STK32B: variants seen among roughly 807,000 people sequenced by gnomAD.
The protein encoded by STK32B is serine/threonine-protein kinase 32B.
In STK32B, 43 loss-of-function variants were observed where a neutral mutation model predicts 52.6. That is an observed-to-expected ratio of 0.82 (90% CI 0.64 to 1.05). The LOEUF is 1.05. Among genes scored for constraint, STK32B ranks in the 50% least tolerant of loss-of-function variants. The pLI, the probability that STK32B is intolerant of heterozygous loss-of-function variation, is 0.00. For synonymous variants in STK32B, 238 were observed against 204.3 expected (o/e 1.17, Z -1.41); for missense variants, 621 against 534.6 (o/e 1.16, Z -1.59).
intron 3 of STK32B, among the ~76,000 whole-genome samples, chr4:5,227,299 T>C (rs906417068): frequency 1.3e-5 from 2 of 152,234 alleles, no homozygotes; most frequent in Non-Finnish European, 2.9e-5. Flanking sequence ...TATTCTGTCT[T>C]GAAATTTAAG....
intron 2 of STK32B, among the ~76,000 whole-genome samples, chr4:5,154,396 G>C (rs1717624020): frequency 6.6e-6 from 1 of 152,016 alleles, no homozygotes; most frequent in Non-Finnish European, 1.5e-5. Context: ...TGTATTTTTA[G>C]TAGAGATGGC....
chr4:5,100,606 C>T (rs1713693765), intron 1 of STK32B, among the ~76,000 whole-genome samples: 1 of 130,744 alleles, frequency 7.6e-6, no homozygotes, highest in Non-Finnish European at 1.6e-5. Context: ...TCCTTTCTTC[C>T]TTCCTTCCCT....
chr4:5,168,654 C>T (rs1719085589), intron 3 of STK32B, among the ~76,000 whole-genome samples: 1 of 152,186 alleles, frequency 6.6e-6, no homozygotes, highest in African/African-American at 2.4e-5. Flanking sequence ...ATTCTGTCCT[C>T]TTATCTGATG....
chr4:5,257,382 A>T (rs149707072), intron 3 of STK32B, among the ~76,000 whole-genome samples: 1 of 152,288 alleles, frequency 6.6e-6, no homozygotes, highest in East Asian at 1.9e-4. Context: ...TGAGTGAATG[A>T]GTGAGTGAAT....
At chr4:5,061,032 T>C (rs188911454) in intron 1 of STK32B, among the ~76,000 whole-genome samples, 1 of 152,330 alleles carries the variant, frequency 6.6e-6, no homozygotes, top group Admixed American at 6.5e-5. Flanking sequence ...TGTATCTTAG[T>C]GGCTTTGTTA....
At position 5,467,237 on chromosome 4, in the gene STK32B, C is replaced by A. The variant is rs1577554096; in HGVS notation, c.1041+403C>A. Among the ~76,000 whole-genome samples the A allele has an allele frequency of 1.3e-5, 2 of 152,192 alleles. No homozygotes were observed. The highest frequency in any genetic ancestry group is 4.8e-5 in the African/African-American group (2 of 41,444). On this transcript the variant is annotated intron_variant, in intron 10 of 11. Transcript: ENST00000282908. This position sits in a 1 kb window ranked among gnomAD's most constrained non-coding sequence, Gnocchi z 5.8. ...CCACAAGCTAGGTGGCTTAAAACAACCCACATTGATTCTCTCACGGTTCTG... is the reference window on the plus strand; with the variant it reads ...CCACAAGCTAGGTGGCTTAAAACAAACCACATTGATTCTCTCACGGTTCTG...
At chr4:5,155,518 C>A (rs1717751225) in intron 2 of STK32B, among the ~76,000 whole-genome samples, 1 of 152,154 alleles carries the variant, frequency 6.6e-6, no homozygotes, top group African/African-American at 2.4e-5. Context: ...TATGCATATA[C>A]ATTAGGCATA....
chr4:5,337,468 A>G (rs1732785088), intron 4 of STK32B, among the ~76,000 whole-genome samples: 1 of 152,176 alleles, frequency 6.6e-6, no homozygotes, highest in African/African-American at 2.4e-5. Context: ...GGATAAAGAA[A>G]TGGAATGCAG....
At chr4:5,155,530 C>T (rs918456376) in intron 2 of STK32B, among the ~76,000 whole-genome samples, 1 of 152,018 alleles carries the variant, frequency 6.6e-6, no homozygotes, top group African/African-American at 2.4e-5. Flanking sequence ...TTAGGCATAC[C>T]CACCGATATG....
chr4:5,460,151 C>G lies in STK32B; in HGVS notation c.832C>G (p.Gln278Glu). The G allele has an allele frequency of 6.2e-7, 1 of 1,614,200 alleles. No individual in the cohort carries two copies. Among genetic ancestry groups the G allele is most frequent in the Non-Finnish European group, 8.5e-7 (1 of 1,180,032 alleles). The change falls in exon 9 of 12, where the codon CAG (glutamine) becomes GAG (glutamate). Residue 278 changes from glutamine to glutamate, a missense_variant. Gln to Glu is a conservative substitution (Grantham distance 29). Coordinates refer to ENST00000282908, the MANE Select transcript of STK32B (RefSeq NM_018401.3). The surrounding 1 kb of genome is among the most constrained non-coding windows in gnomAD (Gnocchi z 4.8). ...ESRVSSLHDI[Q>E]SVPYLADMNW... ...CCGCGTGTCCAGCCTTCATGACATA[C>G]AGAGCGTGCCCTACTTGGCCGACAT...
intron 3 of STK32B, among the ~76,000 whole-genome samples, chr4:5,260,343 T>C (rs1577259171): frequency 6.6e-6 from 1 of 152,150 alleles, no homozygotes; most frequent in South Asian, 2.1e-4. Context: ...AGACCCCAGC[T>C]GAGCGCTGAG....
chr4:5,450,548 A>T (rs1394644748), intron 7 of STK32B, among the ~76,000 whole-genome samples: 1 of 152,214 alleles, frequency 6.6e-6, no homozygotes. Flanking sequence ...CTGCTTCCTT[A>T]TAATAGAGAA....
intron 3 of STK32B, among the ~76,000 whole-genome samples, chr4:5,174,710 C>G (rs1456610607): frequency 6.6e-6 from 1 of 152,164 alleles, no homozygotes; most frequent in Non-Finnish European, 1.5e-5. Flanking sequence ...GGTAACCCGA[C>G]CTTTCTCTCT....
At chr4:5,289,451 C>CTTT (rs545546225) in intron 3 of STK32B, among the ~76,000 whole-genome samples, 1 of 151,064 alleles carries the variant, frequency 6.6e-6, no homozygotes, top group African/African-American at 2.4e-5. Context: ...TTATTTTATT[C>CTTT]TTTTTTTTTG....
chr4:5,176,704 A>G (rs1719932496), intron 3 of STK32B, among the ~76,000 whole-genome samples: 1 of 152,054 alleles, frequency 6.6e-6, no homozygotes, highest in Admixed American at 6.5e-5. Flanking sequence ...TCAGCCTCCC[A>G]AAGTACTGGG....
At chr4:5,194,506 C>T (rs1215545112) in intron 3 of STK32B, among the ~76,000 whole-genome samples, 2 of 152,182 alleles carry the variant, frequency 1.3e-5, no homozygotes, top group Non-Finnish European at 2.9e-5. Flanking sequence ...TACCCCATAA[C>T]ATGCTGAGTT....
At chr4:5,353,281 A>T (rs973883925) in intron 4 of STK32B, among the ~76,000 whole-genome samples, 1 of 152,194 alleles carries the variant, frequency 6.6e-6, no homozygotes, top group Non-Finnish European at 1.5e-5. Flanking sequence ...TATATGTAAG[A>T]CAATAAACTA....
intron 1 of STK32B, among the ~76,000 whole-genome samples, chr4:5,137,547 T>C (rs1408914428): frequency 6.6e-6 from 1 of 152,024 alleles, no homozygotes; most frequent in Admixed American, 6.5e-5. Context: ...TTTTGAAAGG[T>C]TGTAGTGTGC....
Position 5,466,711 on chromosome 4 carries a change from G to A in STK32B, c.918G>A (p.Arg306=). The A allele has an allele frequency of 1.2e-6, 2 of 1,613,222 alleles. No individual in the cohort carries two copies. Among genetic ancestry groups the A allele is most frequent in the South Asian group, 2.2e-5 (2 of 90,784 alleles). Residue 306 remains arginine, a synonymous_variant, in exon 10 of 12, where the codon AGG becomes AGA. Coordinates refer to ENST00000282908, the MANE Select transcript of STK32B (RefSeq NM_018401.3). ...TTTCTACTCCCCTTTAGAAAGGGAG[G>A]TTGAACTGCGATCCCACATTTGAGC... ...LMPGFVPNKG[R]LNCDPTFELE... is the part of the protein sequence containing the mutation.
Sources: gnomAD v4.1 joint callset for allele counts (sites outside exome capture counted in the v4.1 genomes callset) on GRCh38, gnomAD v4.1.1 for gene constraint, Gnocchi (gnomAD v3.1) non-coding constraint, MANE v1.5 for transcripts, NCBI Gene and HGNC (gene_info 2026-07-23, HGNC 2026-07-21) for gene names.